Variants in FRMPD4 observed in about 807,000 individuals in gnomAD.
FRMPD4 encodes FERM and PDZ domain-containing protein 4.
A neutral mutation model predicts 94.1 loss-of-function variants in FRMPD4; 22 were observed. The observed-to-expected ratio is 0.23, with a 90% CI of 0.17 to 0.33. The LOEUF (loss-of-function observed/expected upper bound fraction) is 0.33. FRMPD4 is among the 10% of genes least tolerant of loss of function. The pLI is 1.00. For missense variants in FRMPD4, 1,111 were observed against 1,339.9 expected (o/e 0.83, Z 2.67); for synonymous variants, 631 against 548.6 (o/e 1.15, Z -2.10).
At chrX:12,464,249 C>G (rs918510224) in intron 1 of FRMPD4, among the ~76,000 whole-genome samples, 6 of 111,692 alleles carry the variant, frequency 5.4e-5, no homozygotes, top group Non-Finnish European at 1.1e-4. Flanking sequence ...GACCTCATAG[C>G]CAGGCCTCTT....
At chrX:11,920,082 C>A (rs2054046738) in intron 3 of FRMPD4, among the ~76,000 whole-genome samples, 1 of 111,763 alleles carries the variant, frequency 8.9e-6, no homozygotes. Context: ...ATTCCTGATA[C>A]AATTTCCAAG....
chrX:12,446,594 G>A (rs747666411), intron 1 of FRMPD4, among the ~76,000 whole-genome samples: 4 of 45,181 alleles, frequency 8.9e-5, no homozygotes, highest in Non-Finnish European at 2.6e-4. Flanking sequence ...TTCTCTTGTG[G>A]TAGTGAATAA....
chrX:12,033,911 G>A (rs374015596), intron 3 of FRMPD4, among the ~76,000 whole-genome samples: 1 of 111,777 alleles, frequency 8.9e-6, no homozygotes, highest in African/African-American at 3.3e-5. Context: ...TGGTCAGGCT[G>A]GTCTCGAACT....
At chrX:12,086,230 C>T (rs191086126) in intron 3 of FRMPD4, among the ~76,000 whole-genome samples, 11 of 111,413 alleles carry the variant, frequency 9.9e-5, no homozygotes, top group African/African-American at 3.3e-4. Context: ...ATGCTGTGTA[C>T]TTACCTTCTT....
intron 1 of FRMPD4, among the ~76,000 whole-genome samples, chrX:12,352,457 C>T (rs768950926): frequency 2.7e-5 from 3 of 112,158 alleles, no homozygotes; most frequent in South Asian, 7.5e-4. Context: ...TTCAAATTAA[C>T]GTTAAAGAAT....
At chrX:12,566,622 GA>G (rs755471524) in intron 2 of FRMPD4, among the ~76,000 whole-genome samples, 13 of 112,194 alleles carry the variant, frequency 1.2e-4, no homozygotes, top group Admixed American at 1.1e-3. Context: ...GAAGATCACT[GA>G]AATGAACTGT....
chrX:12,235,505 A>G (rs1339609828), intron 1 of FRMPD4, among the ~76,000 whole-genome samples: 1 of 111,980 alleles, frequency 8.9e-6, no homozygotes, highest in Non-Finnish European at 1.9e-5. Context: ...ATGAAAATTC[A>G]TGCTTTTTCA....
rs1011831647 is a variant in FRMPD4, at chrX:12,601,001, G to A, written c.159-8720G>A. On this transcript the variant is annotated intron_variant, in intron 2 of 16. Coordinates refer to ENST00000675598, the MANE Select transcript of FRMPD4 (RefSeq NM_001368397.1). ...GGCATTAAATTTGTAAATTAATTTG[G>A]AGAAAACTAAAATTATCACATTTAT... is the stretch of plus-strand genomic sequence containing the variant. Among the ~76,000 whole-genome samples the A allele has an allele frequency of 1.2e-4, 13 of 112,062 alleles. No individual in the cohort carries two copies. In the East Asian group the frequency reaches 2.8e-3, roughly 24 times the overall value.
rs754901891 is a variant in FRMPD4, at chrX:11,972,995, C to T, written c.95+94977C>T. Among the ~76,000 whole-genome samples, 3 of 112,175 alleles carry T rather than the reference C, an allele frequency of 2.7e-5. No homozygotes were observed. The South Asian group carries it at 1.1e-3, about 42-fold the overall frequency. ...ATTTGTCTACATTATGTAAAATCCT[C>T]TATTGAGTTGGTCTAGTAAAACATT... On this transcript the variant is annotated intron_variant, in intron 3 of 18. Coordinates refer to the FRMPD4 transcript ENST00000640291.
At chrX:12,269,382 TAGAAGCCTTCCAATGATA>T (rs1255908015) in intron 1 of FRMPD4, among the ~76,000 whole-genome samples, 1 of 111,325 alleles carries the variant, frequency 9.0e-6, no homozygotes, top group Admixed American at 9.6e-5. Context: ...GAAGCTCTTT[TAGAAGCCTTCCAATGATA>T]GGCTCTGTTC....
chrX:11,884,677 G>A (rs2053835761), intron 3 of FRMPD4, among the ~76,000 whole-genome samples: 1 of 111,030 alleles, frequency 9.0e-6, no homozygotes, highest in Admixed American at 9.7e-5. Flanking sequence ...TGAATTTATG[G>A]TTTTAAGAGA....
rs1308892070 is a variant in FRMPD4 at position 12,686,277 on chromosome X, G to A, written c.681+73G>A. 14 of 503,216 alleles carry A rather than the reference G, an allele frequency of 2.8e-5. No individual in the cohort carries two copies. The East Asian group carries it at 4.6e-4, about 17-fold the overall frequency. The allele number at this position is 503,216 out of a possible 1,213,427, so 41.5% of individuals were successfully genotyped here. A position where few individuals can be genotyped will look rare whatever the true frequency, so the allele number is the denominator to read the frequency against. ...ATGCAGGACACTGTGAGCCATTGTA[G>A]CAGCATCTTCTTTCAGAACTATCCC... is the stretch of plus-strand genomic sequence containing the variant. On this transcript the variant is annotated intron_variant, in intron 7 of 16. Transcript: ENST00000675598.
intron 2 of FRMPD4, among the ~76,000 whole-genome samples, chrX:11,866,213 A>C (rs781291352): frequency 8.9e-6 from 1 of 111,965 alleles, no homozygotes; most frequent in Non-Finnish European, 1.9e-5. Context: ...AAAAGGTCAG[A>C]TCTTACAAGT....
intron 8 of FRMPD4, among the ~76,000 whole-genome samples, chrX:12,693,440 G>A (rs1263082961): frequency 8.9e-6 from 1 of 112,272 alleles, no homozygotes; most frequent in Non-Finnish European, 1.9e-5. Flanking sequence ...ATATTATGCT[G>A]TATAAAATGA....
intron 1 of FRMPD4, among the ~76,000 whole-genome samples, chrX:12,151,210 A>AT (rs1412495636): frequency 1.8e-5 from 2 of 111,549 alleles, no homozygotes; most frequent in African/African-American, 6.5e-5. Flanking sequence ...GTTAAAAAAA[A>AT]CTTTAAAAAG....
intron 1 of FRMPD4, among the ~76,000 whole-genome samples, chrX:12,288,521 A>G (rs766525438): frequency 3.6e-5 from 4 of 111,549 alleles, no homozygotes; most frequent in Non-Finnish European, 5.7e-5. Flanking sequence ...GAGAAGTGCA[A>G]TTCATTTTCC....
At chrX:11,891,178 G>A (rs780815409) in intron 3 of FRMPD4, among the ~76,000 whole-genome samples, 4 of 112,422 alleles carry the variant, frequency 3.6e-5, no homozygotes, top group South Asian at 3.7e-4. Flanking sequence ...CTGACTGGGA[G>A]CCAGTGCCAG....
intron 1 of FRMPD4, among the ~76,000 whole-genome samples, chrX:12,264,221 G>T (rs2054239614): frequency 8.9e-6 from 1 of 111,836 alleles, no homozygotes; most frequent in South Asian, 3.7e-4. Flanking sequence ...GAAAACTAAG[G>T]CCTAATGATG....
rs1371280944 is a variant in FRMPD4 at position 12,275,966 on chromosome X, T to A, written c.41+136954T>A. On this transcript the variant is annotated intron_variant, in intron 1 of 16. Coordinates refer to ENST00000675598, the MANE Select transcript of FRMPD4 (RefSeq NM_001368397.1). ...TCTCTAGATAGGCAGTTTTCCTTTC[T>A]TGCCATCAAAACAATCATAGTTCAG... Among the ~76,000 whole-genome samples, 3 of 111,756 alleles carry A rather than the reference T, an allele frequency of 2.7e-5. No individual in the cohort carries two copies. The Admixed American group carries it at 2.8e-4, about 11-fold the overall frequency.
Sources: allele counts gnomAD v4.1 joint callset (sites outside exome capture counted in the v4.1 genomes callset), GRCh38; gene constraint gnomAD v4.1.1; transcripts MANE v1.5; gene names NCBI Gene and HGNC (gene_info 2026-07-23, HGNC 2026-07-21).